Variants in MCEMP1 observed in about 807,000 individuals in gnomAD.
The protein encoded by MCEMP1 is mast cell expressed membrane protein 1, also known as mast cell-expressed membrane protein 1.
A neutral mutation model predicts 27.9 loss-of-function variants in MCEMP1; 17 were observed. That is an observed-to-expected ratio of 0.61 (90% confidence interval 0.42 to 0.91). The LOEUF (loss-of-function observed/expected upper bound fraction) is 0.91, where lower values mean the gene tolerates loss of function less well. Ranked by LOEUF, MCEMP1 falls within the 40% of genes least tolerant of loss-of-function variation. The pLI is 0.00. For synonymous variants in MCEMP1, 88 were observed against 76.9 expected (o/e 1.14, Z -0.76); for missense variants, 200 against 204.8 (o/e 0.98, Z 0.14).
At position 7,678,817 on chromosome 19, in the gene MCEMP1, G is replaced by C; in HGVS notation, c.449-107G>C. On this transcript the variant is annotated intron_variant, in intron 5 of 6. Transcript: ENST00000333598. The surrounding 1 kb of genome is among the most constrained non-coding windows in gnomAD (Gnocchi z 4.8). ...ATCCATGGGCTCTGCTGTACCCCAG[G>C]GTGGGTGTGGGGCAGGGGGGGTGCT... 1 of 1,239,102 alleles carries C rather than the reference G, an allele frequency of 8.1e-7. No homozygotes were observed. Among genetic ancestry groups the C allele is most frequent in the Admixed American group, 2.2e-5 (1 of 45,460 alleles). 76.8% of individuals were successfully genotyped at this position (1,239,102 alleles called of 1,614,324 possible).
Position 7,679,270 on chromosome 19 carries a change from G to T in MCEMP1, c.*156G>T. 1 of 937,114 alleles carries T rather than the reference G, an allele frequency of 1.1e-6. No homozygotes were observed. Among genetic ancestry groups the T allele is most frequent in the South Asian group, 1.8e-5 (1 of 56,956 alleles). 58.0% of individuals were successfully genotyped at this position (937,114 alleles called of 1,614,324 possible). On this transcript the variant is annotated 3_prime_UTR_variant, in exon 7 of 7. Transcript: ENST00000333598. This position sits in a 1 kb window ranked among gnomAD's most constrained non-coding sequence, Gnocchi z 4.9. ...TCGAGTCATGGTGAATGAGTGTCTC[G>T]GAGTTGCTCGTGTGTGTGTACACCT... is the stretch of plus-strand genomic sequence containing the variant.
Position 7,677,744 on chromosome 19 carries a change from T to G in MCEMP1, c.145+18T>G, listed in dbSNP as rs774669185. 7 of 1,578,864 alleles carry G rather than the reference T, an allele frequency of 4.4e-6. No individual in the cohort carries two copies. Among genetic ancestry groups the G allele is most frequent in the South Asian group, 3.5e-5 (3 of 86,058 alleles). On this transcript the variant is annotated intron_variant, in intron 2 of 6. Transcript: ENST00000333598. The surrounding 1 kb of genome is among the most constrained non-coding windows in gnomAD (Gnocchi z 4.6). ...GAGCCAAGGTGAGCAGACACCCACC[T>G]GCTCACATCCCATCACCTTGGGAAG...
In MCEMP1 at chr19:7,679,790, T is replaced by A. The variant is rs2032603329; in HGVS notation, c.*676T>A. ...CAGACATTTATCTCTGCACTCACAT[T>A]TTGTGACTTATGAAGATAAATAAAG... On this transcript the variant is annotated 3_prime_UTR_variant, in exon 7 of 7. Coordinates refer to ENST00000333598, the MANE Select transcript of MCEMP1 (RefSeq NM_174918.3). The surrounding 1 kb of genome is among the most constrained non-coding windows in gnomAD (Gnocchi z 4.9). 1.3e-5 allele frequency: 2 copies of A among 152,128 alleles called. No homozygotes were observed. Among genetic ancestry groups the A allele is most frequent in the South Asian group, 4.1e-4 (2 of 4,822 alleles). 9.4% of individuals were successfully genotyped at this position (152,128 alleles called of 1,614,324 possible). A position where few individuals can be genotyped will look rare whatever the true frequency, so the allele number is the denominator to read the frequency against.
In MCEMP1 at chr19:7,678,439, TG is replaced by T; in HGVS notation, c.334+44del. ...CTGAGGGAGACCCGTGGGGTCATGG[TG>T]GGGGTCTGGAGAGGGATGGATGCAC... On this transcript the variant is annotated intron_variant, in intron 4 of 6. Coordinates refer to ENST00000333598, the MANE Select transcript of MCEMP1 (RefSeq NM_174918.3). This position sits in a 1 kb window ranked among gnomAD's most constrained non-coding sequence, Gnocchi z 4.8. 1.2e-6 allele frequency: 2 copies of T among 1,613,810 alleles called. No individual in the cohort carries two copies. Among genetic ancestry groups the T allele is most frequent in the Non-Finnish European group, 1.7e-6 (2 of 1,179,840 alleles).
Position 7,678,830 on chromosome 19 carries a change from C to G in MCEMP1, c.449-94C>G. The G allele has an allele frequency of 3.0e-6, 4 of 1,314,424 alleles. No homozygotes were observed. The East Asian group carries it at 1.0e-4, about 33-fold the overall frequency. The allele number at this position is 1,314,424 out of a possible 1,614,324, so 81.4% of individuals were successfully genotyped here. On this transcript the variant is annotated intron_variant, in intron 5 of 6. Coordinates refer to ENST00000333598, the MANE Select transcript of MCEMP1 (RefSeq NM_174918.3). The surrounding 1 kb of genome is among the most constrained non-coding windows in gnomAD (Gnocchi z 4.8). ...GCTGTACCCCAGGGTGGGTGTGGGG[C>G]AGGGGGGGTGCTTCCAAGGAAGGTG...
At position 7,678,015 on chromosome 19, in the gene MCEMP1, G is replaced by A; in HGVS notation, c.146-89G>A. 1 of 1,496,744 alleles carries A rather than the reference G, an allele frequency of 6.7e-7. No homozygotes were observed. The highest frequency in any genetic ancestry group is 8.9e-7 in the Non-Finnish European group (1 of 1,120,096). 92.7% of individuals were successfully genotyped at this position (1,496,744 alleles called of 1,614,324 possible). The stretch of plus-strand genomic sequence containing the variant: ...ACAGCTGCTGATGGTTTTGAGAGGA[G>A]CGAGGTGTCCATGGTGTTAGAGACA... On this transcript the variant is annotated intron_variant, in intron 2 of 6. Transcript: ENST00000333598. This position sits in a 1 kb window ranked among gnomAD's most constrained non-coding sequence, Gnocchi z 4.8.
Position 7,678,905 on chromosome 19 carries a change from A to ACC in MCEMP1, c.449-19_449-18insCC. On this transcript the variant is annotated intron_variant, in intron 5 of 6. Coordinates refer to ENST00000333598, the MANE Select transcript of MCEMP1 (RefSeq NM_174918.3). This position sits in a 1 kb window ranked among gnomAD's most constrained non-coding sequence, Gnocchi z 4.8. The stretch of plus-strand genomic sequence containing the variant: ...CAGCTTGACTTATCTGTTCCCACCC[A>ACC]ACCCTCCCCGCCCCCTAGGCATAAA... 1 of 686,208 alleles carries ACC rather than the reference A, an allele frequency of 1.5e-6. No individual in the cohort carries two copies. The highest frequency in any genetic ancestry group is 2.4e-6 in the Non-Finnish European group (1 of 418,516). 42.5% of individuals were successfully genotyped at this position (686,208 alleles called of 1,614,324 possible).
chr19:7,679,473 G>A lies in MCEMP1; in HGVS notation c.*359G>A, dbSNP rs918779080. The stretch of plus-strand genomic sequence containing the variant: ...CATGCCTGTGTCATGTGACATATGT[G>A]AGTCTCGGCATGTCACGGTGGGTGG... On this transcript the variant is annotated 3_prime_UTR_variant, in exon 7 of 7. Coordinates refer to ENST00000333598, the MANE Select transcript of MCEMP1 (RefSeq NM_174918.3). This position sits in a 1 kb window ranked among gnomAD's most constrained non-coding sequence, Gnocchi z 4.9. 3 of 283,400 alleles carry A rather than the reference G, an allele frequency of 1.1e-5. No individual in the cohort carries two copies. The highest frequency in any genetic ancestry group is 6.6e-5 in the African/African-American group (3 of 45,570). The allele number at this position is 283,400 out of a possible 1,614,324, so 17.6% of individuals were successfully genotyped here.
At position 7,678,653 on chromosome 19, in the gene MCEMP1, C is replaced by T. The variant is rs1297438085; in HGVS notation, c.448+49C>T. ...ATGGGGGTTATTTGTCACCAATGCC[C>T]GGAGCTGAGCTGGGGGCAGGGGATT... On this transcript the variant is annotated intron_variant, in intron 5 of 6. Coordinates refer to ENST00000333598, the MANE Select transcript of MCEMP1 (RefSeq NM_174918.3). The surrounding 1 kb of genome is among the most constrained non-coding windows in gnomAD (Gnocchi z 4.8). 5.9e-6 allele frequency: 9 copies of T among 1,535,862 alleles called. No homozygotes were observed. Among genetic ancestry groups the T allele is most frequent in the Middle Eastern group, 1.7e-4 (1 of 5,966 alleles).
Position 7,677,347 on chromosome 19 carries a change from A to C in MCEMP1, c.55+172A>C, listed in dbSNP as rs1026252677. The stretch of plus-strand genomic sequence containing the variant: ...CATAGGGAGACTCTGTCTGTAAAAA[A>C]TAAAAATAAAAAAAGAAGGAGAGTT... On this transcript the variant is annotated intron_variant, in intron 1 of 6. Coordinates refer to ENST00000333598, the MANE Select transcript of MCEMP1 (RefSeq NM_174918.3). The surrounding 1 kb of genome is among the most constrained non-coding windows in gnomAD (Gnocchi z 4.6). 6.6e-6 allele frequency among the ~76,000 whole-genome samples: 1 copy of C among 150,814 alleles called. No individual in the cohort carries two copies. The highest frequency in any genetic ancestry group is 1.5e-5 in the Non-Finnish European group (1 of 67,726).
At position 7,677,846 on chromosome 19, in the gene MCEMP1, A is replaced by C; in HGVS notation, c.145+120A>C. Reference sequence around the variant, plus strand: ...AAGCGATGGGGAAGGAAGAGGTGACAGCTGTTGACGTGCTAATGAGGTCTG... The same window carrying C: ...AAGCGATGGGGAAGGAAGAGGTGACCGCTGTTGACGTGCTAATGAGGTCTG... On this transcript the variant is annotated intron_variant, in intron 2 of 6. Transcript: ENST00000333598. This position sits in a 1 kb window ranked among gnomAD's most constrained non-coding sequence, Gnocchi z 4.6. The C allele has an allele frequency of 9.0e-7, 1 of 1,112,490 alleles. No individual in the cohort carries two copies. Among genetic ancestry groups the C allele is most frequent in the Non-Finnish European group, 1.3e-6 (1 of 773,456 alleles). The allele number at this position is 1,112,490 out of a possible 1,614,324, so 68.9% of individuals were successfully genotyped here.
chr19:7,679,416 A>C lies in MCEMP1; in HGVS notation c.*302A>C. ...TATCTCCCAGAAAGGTGATGAATGA[A>C]TAGGACTGAGAGTCACAGTGAATGT... On this transcript the variant is annotated 3_prime_UTR_variant, in exon 7 of 7. Transcript: ENST00000333598. The surrounding 1 kb of genome is among the most constrained non-coding windows in gnomAD (Gnocchi z 4.9). The C allele has an allele frequency of 4.7e-6, 2 of 427,836 alleles. No homozygotes were observed. The highest frequency in any genetic ancestry group is 4.2e-6 in the Non-Finnish European group (1 of 239,922). 26.5% of individuals were successfully genotyped at this position (427,836 alleles called of 1,614,324 possible). A position where few individuals can be genotyped will look rare whatever the true frequency, so the allele number is the denominator to read the frequency against.
rs1341859260 is a variant in MCEMP1, at chr19:7,677,213, G to A, written c.55+38G>A. The A allele has an allele frequency of 6.5e-7, 1 of 1,529,364 alleles. No individual in the cohort carries two copies. Among genetic ancestry groups the A allele is most frequent in the Non-Finnish European group, 8.9e-7 (1 of 1,125,256 alleles). The allele number at this position is 1,529,364 out of a possible 1,614,324, so 94.7% of individuals were successfully genotyped here. A position where few individuals can be genotyped will look rare whatever the true frequency, so the allele number is the denominator to read the frequency against. On this transcript the variant is annotated intron_variant, in intron 1 of 6. Transcript: ENST00000333598. The surrounding 1 kb of genome is among the most constrained non-coding windows in gnomAD (Gnocchi z 4.6). ...GAGGTGGAAGGGAGGGGTTAAGAAG[G>A]AGAGATTGGGGGGCCGGGGGCTTTT...
Position 7,678,900 on chromosome 19 carries a change from C to A in MCEMP1, c.449-24C>A. 17 of 983,670 alleles carry A rather than the reference C, an allele frequency of 1.7e-5. No homozygotes were observed. Among genetic ancestry groups the A allele is most frequent in the African/African-American group, 3.2e-5 (2 of 62,644 alleles). 60.9% of individuals were successfully genotyped at this position (983,670 alleles called of 1,614,324 possible). A position where few individuals can be genotyped will look rare whatever the true frequency, so the allele number is the denominator to read the frequency against. On this transcript the variant is annotated intron_variant, in intron 5 of 6. Coordinates refer to ENST00000333598, the MANE Select transcript of MCEMP1 (RefSeq NM_174918.3). The surrounding 1 kb of genome is among the most constrained non-coding windows in gnomAD (Gnocchi z 4.8). ...CACCGCAGCTTGACTTATCTGTTCC[C>A]ACCCAACCCTCCCCGCCCCCTAGGC...
Position 7,677,973 on chromosome 19 carries a change from T to C in MCEMP1, c.146-131T>C. On this transcript the variant is annotated intron_variant, in intron 2 of 6. Transcript: ENST00000333598. This position sits in a 1 kb window ranked among gnomAD's most constrained non-coding sequence, Gnocchi z 4.6. ...GTGGTGGCAGTGTTGTTGACGATGA[T>C]GACAAGCTGCATGACCACAGCTGCT... The C allele has an allele frequency of 4.3e-6, 6 of 1,384,668 alleles. No individual in the cohort carries two copies. The highest frequency in any genetic ancestry group is 4.9e-6 in the Non-Finnish European group (5 of 1,022,554). The allele number at this position is 1,384,668 out of a possible 1,614,324, so 85.8% of individuals were successfully genotyped here. A position where few individuals can be genotyped will look rare whatever the true frequency, so the allele number is the denominator to read the frequency against.
At position 7,677,233 on chromosome 19, in the gene MCEMP1, G is replaced by A; in HGVS notation, c.55+58G>A. The A allele has an allele frequency of 6.8e-7, 1 of 1,464,460 alleles. No homozygotes were observed. Among genetic ancestry groups the A allele is most frequent in the Non-Finnish European group, 9.4e-7 (1 of 1,068,800 alleles). 90.7% of individuals were successfully genotyped at this position (1,464,460 alleles called of 1,614,324 possible). Reference sequence around the variant, plus strand: ...AGAAGGAGAGATTGGGGGGCCGGGGGCTTTTGCTCATGTCTGTAATCCTAG... The same window carrying A: ...AGAAGGAGAGATTGGGGGGCCGGGGACTTTTGCTCATGTCTGTAATCCTAG... On this transcript the variant is annotated intron_variant, in intron 1 of 6. Transcript: ENST00000333598. The surrounding 1 kb of genome is among the most constrained non-coding windows in gnomAD (Gnocchi z 4.6).
rs2032583117 is a variant in MCEMP1, at chr19:7,678,815, AG to A, written c.449-106del. 2 of 1,219,612 alleles carry A rather than the reference AG, an allele frequency of 1.6e-6. No individual in the cohort carries two copies. The highest frequency in any genetic ancestry group is 2.2e-5 in the Admixed American group (1 of 45,092). 75.5% of individuals were successfully genotyped at this position (1,219,612 alleles called of 1,614,324 possible). ...AAATCCATGGGCTCTGCTGTACCCCAGGGTGGGTGTGGGGCAGGGGGGGTGC... is the reference window on the plus strand; with the variant it reads ...AAATCCATGGGCTCTGCTGTACCCCAGGTGGGTGTGGGGCAGGGGGGGTGC... On this transcript the variant is annotated intron_variant, in intron 5 of 6. Transcript: ENST00000333598. This position sits in a 1 kb window ranked among gnomAD's most constrained non-coding sequence, Gnocchi z 4.8.
At position 7,677,184 on chromosome 19, in the gene MCEMP1, A is replaced by G; in HGVS notation, c.55+9A>G. ...CTCAGCCAAGAATCAAGGTTAGGGA[A>G]CTCGAGGTGGAAGGGAGGGGTTAAG... On this transcript the variant is annotated intron_variant, in intron 1 of 6. Coordinates refer to ENST00000333598, the MANE Select transcript of MCEMP1 (RefSeq NM_174918.3). The surrounding 1 kb of genome is among the most constrained non-coding windows in gnomAD (Gnocchi z 4.6). 1 of 1,554,454 alleles carries G rather than the reference A, an allele frequency of 6.4e-7. No individual in the cohort carries two copies. The highest frequency in any genetic ancestry group is 1.8e-5 in the Admixed American group (1 of 54,214).
chr19:7,678,834 G>A lies in MCEMP1; in HGVS notation c.449-90G>A, dbSNP rs2032583671. 6 of 1,345,582 alleles carry A rather than the reference G, an allele frequency of 4.5e-6. No individual in the cohort carries two copies. Among genetic ancestry groups the A allele is most frequent in the East Asian group, 2.5e-5 (1 of 39,928 alleles). The allele number at this position is 1,345,582 out of a possible 1,614,324, so 83.4% of individuals were successfully genotyped here. On this transcript the variant is annotated intron_variant, in intron 5 of 6. Transcript: ENST00000333598. This position sits in a 1 kb window ranked among gnomAD's most constrained non-coding sequence, Gnocchi z 4.8. Reference sequence around the variant, plus strand: ...TACCCCAGGGTGGGTGTGGGGCAGGGGGGGTGCTTCCAAGGAAGGTGGGGG... The same window carrying A: ...TACCCCAGGGTGGGTGTGGGGCAGGAGGGGTGCTTCCAAGGAAGGTGGGGG...
Sources: allele counts gnomAD v4.1 joint callset (sites outside exome capture counted in the v4.1 genomes callset), GRCh38; gene constraint gnomAD v4.1.1; non-coding constraint Gnocchi (gnomAD v3.1); transcripts MANE v1.5; gene names NCBI Gene and HGNC (gene_info 2026-07-23, HGNC 2026-07-21).